The following JAKMIP1 variants were observed in gnomAD, a reference collection of about 807,000 sequenced individuals.
JAKMIP1 encodes janus kinase and microtubule interacting protein 1, also known as janus kinase and microtubule-interacting protein 1.
JAKMIP1 carries 33 observed loss-of-function variants against 113.0 expected under a neutral mutation model. The observed-to-expected ratio is 0.29, with a 90% CI of 0.22 to 0.39. JAKMIP1 has a LOEUF of 0.39. Ranked by LOEUF, JAKMIP1 falls within the 10% of genes least tolerant of loss-of-function variation. JAKMIP1 has a pLI of 1.00. For missense variants in JAKMIP1, 813 were observed against 1,080.5 expected (o/e 0.75, Z 3.47); for synonymous variants, 480 against 459.9 (o/e 1.04, Z -0.56).
At chr4:6,098,038 G>C (rs1469986059) in intron 3 of JAKMIP1, among the ~76,000 whole-genome samples, 2 of 152,240 alleles carry the variant, frequency 1.3e-5, no homozygotes, top group Non-Finnish European at 2.9e-5. Flanking sequence ...TGGAGTTCGA[G>C]AACATGGTTC....
Position 6,158,669 on chromosome 4 carries a change from A to T in JAKMIP1, c.-148+41584T>A, listed in dbSNP as rs1323517975. Among the ~76,000 whole-genome samples, 1 of 151,146 alleles carries T rather than the reference A, an allele frequency of 6.6e-6. No homozygotes were observed. ...GTCATCATTTCCACAAAGGAAGTCC[A>T]TCTTTTTAGGTTAGGAAAGAAAATT... On this transcript the variant is annotated intron_variant, in intron 1 of 20. Transcript: ENST00000409021. This position sits in a 1 kb window ranked among gnomAD's most constrained non-coding sequence, Gnocchi z 5.3.
chr4:6,119,208 A>G (rs1716327377), intron 1 of JAKMIP1, among the ~76,000 whole-genome samples: 1 of 152,194 alleles, frequency 6.6e-6, no homozygotes, highest in South Asian at 2.1e-4. Context: ...GTCATGCTTT[A>G]TAGAGGCCAC....
chr4:6,067,071 C>T lies in JAKMIP1; in HGVS notation c.1303-2063G>A, dbSNP rs1295669072. ...GGTCCCTCCTGCTTCACCCCCGCCC[C>T]AGCCTCTGGGGCCTCCTTCTTTATT... On this transcript the variant is annotated intron_variant, in intron 8 of 20. Coordinates refer to ENST00000409021, the MANE Select transcript of JAKMIP1 (RefSeq NM_001099433.2). This position sits in a 1 kb window ranked among gnomAD's most constrained non-coding sequence, Gnocchi z 4.6. Among the ~76,000 whole-genome samples, 1 of 152,198 alleles carries T rather than the reference C, an allele frequency of 6.6e-6. No homozygotes were observed. Among genetic ancestry groups the T allele is most frequent in the Non-Finnish European group, 1.5e-5 (1 of 68,026 alleles).
chr4:6,190,500 C>G (rs1415118754), intron 1 of JAKMIP1, among the ~76,000 whole-genome samples: 2 of 152,168 alleles, frequency 1.3e-5, no homozygotes, highest in African/African-American at 4.8e-5. Flanking sequence ...CCGCCACTGC[C>G]ATTTCCACCT....
At chr4:6,028,514 C>T (rs548413597) in intron 20 of JAKMIP1, among the ~76,000 whole-genome samples, 69 of 152,348 alleles carry the variant, frequency 4.5e-4, no homozygotes, top group Admixed American at 1.0e-3. Flanking sequence ...TAAGTGCTGT[C>T]CCATCTCTCT....
chr4:6,117,523 GAA>G, intron 1 of JAKMIP1, among the ~76,000 whole-genome samples: 1 of 152,132 alleles, frequency 6.6e-6, no homozygotes, highest in South Asian at 2.1e-4. Flanking sequence ...GACCAGGACC[GAA>G]GTGAAATTAA....
chr4:6,144,394 A>G (rs1054702494), intron 1 of JAKMIP1, among the ~76,000 whole-genome samples: 4 of 152,266 alleles, frequency 2.6e-5, no homozygotes, highest in Admixed American at 2.6e-4. Flanking sequence ...TGAAGCCAGT[A>G]TTACCCTGAC....
chr4:6,050,120 G>A lies in JAKMIP1; in HGVS notation c.1909-248C>T, dbSNP rs747161758. Among the ~76,000 whole-genome samples the A allele has an allele frequency of 1.4e-4, 21 of 152,182 alleles. No homozygotes were observed. The highest frequency in any genetic ancestry group is 2.2e-4 in the Non-Finnish European group (15 of 68,034). On this transcript the variant is annotated intron_variant, in intron 14 of 20. Coordinates refer to ENST00000409021, the MANE Select transcript of JAKMIP1 (RefSeq NM_001099433.2). The surrounding 1 kb of genome is among the most constrained non-coding windows in gnomAD (Gnocchi z 7.4). The stretch of plus-strand genomic sequence containing the variant: ...GCCATGGAAGCGGGTGAGTCAGGAC[G>A]CTGTCCCTGGAGCTGAGCAGGGCTC...
intron 1 of JAKMIP1, among the ~76,000 whole-genome samples, chr4:6,196,599 C>T (rs370864716): frequency 2.0e-5 from 3 of 152,226 alleles, no homozygotes; most frequent in East Asian, 1.9e-4. Flanking sequence ...CACGCCTGTA[C>T]TCCCAGCACG....
intron 18 of JAKMIP1, among the ~76,000 whole-genome samples, chr4:6,037,068 C>A (rs1317645839): frequency 6.7e-6 from 1 of 148,378 alleles, no homozygotes; most frequent in East Asian, 2.0e-4. Context: ...ATCACTGAGT[C>A]AGAGGTTAAC....
At chr4:6,032,451 G>A (rs1444610719) in intron 19 of JAKMIP1, among the ~76,000 whole-genome samples, 1 of 152,124 alleles carries the variant, frequency 6.6e-6, no homozygotes, top group Non-Finnish European at 1.5e-5. Context: ...GTGTGACCTT[G>A]GACAAGTTGC....
At position 6,051,525 on chromosome 4, in the gene JAKMIP1, C is replaced by A. The variant is rs1715661245; in HGVS notation, c.1807-846G>T. ...AAAGTGCTGGGATTACAGGCGTAAGCCACCTCGCCCGGCCCCAAAGGCTGA... is the reference window on the plus strand; with the variant it reads ...AAAGTGCTGGGATTACAGGCGTAAGACACCTCGCCCGGCCCCAAAGGCTGA... On this transcript the variant is annotated intron_variant, in intron 13 of 20. Coordinates refer to ENST00000409021, the MANE Select transcript of JAKMIP1 (RefSeq NM_001099433.2). The surrounding 1 kb of genome is among the most constrained non-coding windows in gnomAD (Gnocchi z 5.0). 6.6e-6 allele frequency among the ~76,000 whole-genome samples: 1 copy of A among 151,980 alleles called. No homozygotes were observed. The highest frequency in any genetic ancestry group is 1.5e-5 in the Non-Finnish European group (1 of 67,984).
chr4:6,170,518 ACCACCATTATCACCACCACCACCACCT>A (rs1342457430), intron 1 of JAKMIP1, among the ~76,000 whole-genome samples: 23 of 142,832 alleles, frequency 1.6e-4, no homozygotes, highest in South Asian at 4.6e-4. Flanking sequence ...CACCACCATC[ACCACCATTATCACCACCACCACCACCT>A]CCATCACCAT....
At position 6,040,587 on chromosome 4, in the gene JAKMIP1, C is replaced by T; in HGVS notation, c.2175+52G>A. 7.5e-7 allele frequency: 1 copy of T among 1,342,188 alleles called. No homozygotes were observed. The allele number at this position is 1,342,188 out of a possible 1,614,324, so 83.1% of individuals were successfully genotyped here. ...TTTCAGCCCCAGAGGAAAAAGCAGCCTCTAATGTGGAGTCTAAGAAGCCAA... is the reference window on the plus strand; with the variant it reads ...TTTCAGCCCCAGAGGAAAAAGCAGCTTCTAATGTGGAGTCTAAGAAGCCAA... On this transcript the variant is annotated intron_variant, in intron 18 of 20. Transcript: ENST00000409021. The surrounding 1 kb of genome is among the most constrained non-coding windows in gnomAD (Gnocchi z 5.8).
rs547216657 is a variant in JAKMIP1 at position 6,059,786 on chromosome 4, C to T, written c.1644+638G>A. On this transcript the variant is annotated intron_variant, in intron 11 of 20. Coordinates refer to ENST00000409021, the MANE Select transcript of JAKMIP1 (RefSeq NM_001099433.2). This position sits in a 1 kb window ranked among gnomAD's most constrained non-coding sequence, Gnocchi z 4.8. ...TATGTCACCACAGCAGCACTTCTGA[C>T]ACAGAGGAGGCCGACCCATACGAAC... 3.6e-4 allele frequency among the ~76,000 whole-genome samples: 55 copies of T among 152,226 alleles called. No individual in the cohort carries two copies. Among genetic ancestry groups the T allele is most frequent in the African/African-American group, 1.3e-3 (52 of 41,540 alleles).
rs942768529 is a variant in JAKMIP1, at chr4:6,199,596, T to A, written c.-148+657A>T. 6.6e-6 allele frequency among the ~76,000 whole-genome samples: 1 copy of A among 151,888 alleles called. No individual in the cohort carries two copies. Among genetic ancestry groups the A allele is most frequent in the Admixed American group, 6.5e-5 (1 of 15,276 alleles). ...CCGGCAGGAGGGTGGGTGCCAGCCTTTCTTCCCATCTCTCGAGCCTCCTCC... is the reference window on the plus strand; with the variant it reads ...CCGGCAGGAGGGTGGGTGCCAGCCTATCTTCCCATCTCTCGAGCCTCCTCC... On this transcript the variant is annotated intron_variant, in intron 1 of 20. Transcript: ENST00000409021. The surrounding 1 kb of genome is among the most constrained non-coding windows in gnomAD (Gnocchi z 5.6).
rs997276524 is a variant in JAKMIP1 at position 6,157,238 on chromosome 4, T to A, written c.-148+43015A>T. Among the ~76,000 whole-genome samples the A allele has an allele frequency of 6.6e-6, 1 of 152,184 alleles. No individual in the cohort carries two copies. Among genetic ancestry groups the A allele is most frequent in the Non-Finnish European group, 1.5e-5 (1 of 68,042 alleles). ...GTAAGAAACGCATTTATTTTCTTTA[T>A]AAACTACCCAGGTGGTGATATTGTG... On this transcript the variant is annotated intron_variant, in intron 1 of 20. Transcript: ENST00000409021. This position sits in a 1 kb window ranked among gnomAD's most constrained non-coding sequence, Gnocchi z 4.7.
At chr4:6,151,621 A>G (rs768063876) in intron 1 of JAKMIP1, among the ~76,000 whole-genome samples, 8 of 152,168 alleles carry the variant, frequency 5.3e-5, no homozygotes, top group African/African-American at 7.2e-5. Flanking sequence ...TCACAGCCGC[A>G]TTTAAGCTCA....
At chr4:6,121,091 T>C (rs1022071737) in intron 1 of JAKMIP1, among the ~76,000 whole-genome samples, 2 of 150,868 alleles carry the variant, frequency 1.3e-5, no homozygotes, top group African/African-American at 4.9e-5. Flanking sequence ...TCTCAGCTAC[T>C]TGGGAGGCTG....
Sources: gnomAD v4.1 joint callset for allele counts (sites outside exome capture counted in the v4.1 genomes callset) on GRCh38, gnomAD v4.1.1 for gene constraint, Gnocchi (gnomAD v3.1) non-coding constraint, MANE v1.5 for transcripts, NCBI Gene and HGNC (gene_info 2026-07-23, HGNC 2026-07-21) for gene names.